The following PDSS1 variants were observed in gnomAD, a reference collection of about 807,000 sequenced individuals.
PDSS1 encodes the protein all trans-polyprenyl-diphosphate synthase PDSS1.
Under a neutral mutation model 57.5 loss-of-function variants are expected in PDSS1, and 43 were observed. The ratio of observed to expected loss-of-function variants is 0.75; its 90% CI spans 0.59 to 0.96. The LOEUF is 0.96. PDSS1 is among the 50% of genes least tolerant of loss of function. The pLI, the probability that PDSS1 is intolerant of heterozygous loss-of-function variation, is 0.00. For synonymous variants in PDSS1, 175 were observed against 191.3 expected, an observed-to-expected ratio of 0.91 and a Z score of 0.70; for missense variants, 438 against 527.8, an observed-to-expected ratio of 0.83 and a Z score of 1.67.
rs773568624 is a variant in PDSS1 at position 26,746,576 on chromosome 10, T to G, written c.*103T>G. On this transcript the variant is annotated 3_prime_UTR_variant, in exon 12 of 12. Transcript: ENST00000376215. ...TCATGTGCAGATAACCAAAAATCATTTTAAAAGATATCAAACTTATTGATG... is the reference window on the plus strand; with the variant it reads ...TCATGTGCAGATAACCAAAAATCATGTTAAAAGATATCAAACTTATTGATG... 49 of 1,263,862 alleles carry G rather than the reference T, an allele frequency of 3.9e-5. No homozygotes were observed. The highest frequency in any genetic ancestry group is 5.3e-5 in the Non-Finnish European group (46 of 873,946). 78.3% of individuals were successfully genotyped at this position (1,263,862 alleles called of 1,614,324 possible). A position where few individuals can be genotyped will look rare whatever the true frequency, so the allele number is the denominator to read the frequency against.
intron 11 of PDSS1, among the ~76,000 whole-genome samples, chr10:26,743,529 A>T (rs1340030811): frequency 2.6e-5 from 4 of 152,244 alleles, no homozygotes; most frequent in Non-Finnish European, 4.4e-5. Context: ...AGAATGGTTT[A>T]AACGTACTAT....
At chr10:26,697,928 C>A (rs1834921058) in intron 1 of PDSS1, 88 bp downstream of exon 1, 13 of 1,160,796 alleles carry the variant, frequency 1.1e-5, no homozygotes, top group South Asian at 3.2e-5. Flanking sequence ...GCGGGGAGCA[C>A]GTGCGTCGCG....
At chr10:26,746,085 T>C (rs771975666) in intron 11 of PDSS1, among the ~76,000 whole-genome samples, 3 of 152,102 alleles carry the variant, frequency 2.0e-5, no homozygotes, top group African/African-American at 4.8e-5. Flanking sequence ...CGAATGACTA[T>C]GTAATATTGA....
At chr10:26,721,589 G>A (rs942495439) in intron 6 of PDSS1, among the ~76,000 whole-genome samples, 3 of 152,052 alleles carry the variant, frequency 2.0e-5, no homozygotes, top group Non-Finnish European at 4.4e-5. Flanking sequence ...ACGTCCTGTT[G>A]ACTAAATTCT....
chr10:26,716,460 G>A (rs1210029915), intron 5 of PDSS1, among the ~76,000 whole-genome samples: 2 of 152,176 alleles, frequency 1.3e-5, no homozygotes, highest in African/African-American at 4.8e-5. Context: ...GGGAGGCCAA[G>A]GCAGGTGGAT....
intron 8 of PDSS1, among the ~76,000 whole-genome samples, chr10:26,730,977 G>A (rs549599569): frequency 8.5e-5 from 13 of 152,208 alleles, no homozygotes; most frequent in Non-Finnish European, 1.6e-4. Context: ...GGGAGGCTGA[G>A]GCGGCCGAAT....
chr10:26,701,739 C>T (rs974495904), intron 1 of PDSS1: 1 of 448,084 alleles, frequency 2.2e-6, no homozygotes, highest in Non-Finnish European at 4.5e-6. Flanking sequence ...GGTTGCAGCC[C>T]CCACACGGAG....
rs544622039 is a variant in PDSS1, at chr10:26,702,042, A to G, written c.130-120A>G. 128 of 423,408 alleles carry G rather than the reference A, an allele frequency of 3.0e-4. 1 individual carries two copies. The highest frequency in any genetic ancestry group is 2.5e-3 in the African/African-American group (124 of 49,410). 26.2% of individuals were successfully genotyped at this position (423,408 alleles called of 1,614,324 possible). A position where few individuals can be genotyped will look rare whatever the true frequency, so the allele number is the denominator to read the frequency against. ...ACTGCCCTGCTGGGTTTGGACTTGC[A>G]TGAGGCCTGTAAGCCCCTTCGTTTT... On this transcript the variant is annotated intron_variant, in intron 1 of 11. Transcript: ENST00000376215.
At chr10:26,735,641 G>T in intron 10 of PDSS1, 62 bp downstream of exon 10, 1 of 917,670 alleles carries the variant, frequency 1.1e-6, no homozygotes, top group South Asian at 1.3e-5. Flanking sequence ...GATGTCCCGC[G>T]GCACAGCTGA....
At chr10:26,728,650 G>C (rs531474670) in intron 8 of PDSS1, among the ~76,000 whole-genome samples, 1 of 151,940 alleles carries the variant, frequency 6.6e-6, no homozygotes, top group South Asian at 2.1e-4. Flanking sequence ...TCTTCTACAA[G>C]AAAGTTGGTA....
At chr10:26,733,254 A>G (rs1167566054) in intron 8 of PDSS1, among the ~76,000 whole-genome samples, 2 of 152,202 alleles carry the variant, frequency 1.3e-5, no homozygotes, top group East Asian at 3.9e-4. Context: ...TTCTGTCCTG[A>G]GCCCAGCACA....
chr10:26,716,505 A>C (rs964884306), intron 5 of PDSS1, among the ~76,000 whole-genome samples: 6 of 152,196 alleles, frequency 3.9e-5, no homozygotes, highest in Non-Finnish European at 8.8e-5. Flanking sequence ...CAGCCTTGCC[A>C]ACATGGCAAA....
chr10:26,707,181 C>T (rs1029767562), intron 4 of PDSS1, among the ~76,000 whole-genome samples: 1 of 152,136 alleles, frequency 6.6e-6, no homozygotes, highest in Non-Finnish European at 1.5e-5. Flanking sequence ...TGCGCATGCT[C>T]ACGTGAGGCA....
intron 5 of PDSS1, chr10:26,714,642 G>A (rs1835505501): frequency 6.6e-6 from 1 of 152,142 alleles, no homozygotes; most frequent in African/African-American, 2.4e-5. Flanking sequence ...CTGGATCTTG[G>A]CACCATCCAT....
chr10:26,722,771 T>A (rs1282039485), intron 6 of PDSS1, among the ~76,000 whole-genome samples: 1 of 152,104 alleles, frequency 6.6e-6, no homozygotes, highest in Non-Finnish European at 1.5e-5. Flanking sequence ...TAGGGTGTAT[T>A]TGGTTATAGC....
chr10:26,720,078 G>T (rs1484054901), intron 5 of PDSS1, 140 bp from the exon 6 acceptor site: 10 of 1,201,894 alleles, frequency 8.3e-6, no homozygotes, highest in African/African-American at 4.5e-5. Flanking sequence ...ATGGCTGTGT[G>T]GTGAAGCCAG....
chr10:26,720,113 G>A (rs1835735723), intron 5 of PDSS1, 105 bp from the exon 6 acceptor site: 1 of 1,528,968 alleles, frequency 6.5e-7, no homozygotes. Flanking sequence ...TTCTCTTAGA[G>A]AAATAACATT....
chr10:26,700,992 A>G (rs747299597), intron 1 of PDSS1, among the ~76,000 whole-genome samples: 1 of 152,160 alleles, frequency 6.6e-6, no homozygotes, highest in Non-Finnish European at 1.5e-5. Context: ...AATGGCTTTG[A>G]CCAAAATGCT....
At chr10:26,743,946 C>A (rs1013996017) in intron 11 of PDSS1, among the ~76,000 whole-genome samples, 3 of 151,988 alleles carry the variant, frequency 2.0e-5, no homozygotes, top group African/African-American at 4.8e-5. Flanking sequence ...CAAAAAGATA[C>A]CACATTCACA....
Sources: allele counts gnomAD v4.1 joint callset (sites outside exome capture counted in the v4.1 genomes callset), GRCh38; gene constraint gnomAD v4.1.1; transcripts MANE v1.5; gene names NCBI Gene and HGNC (gene_info 2026-07-23, HGNC 2026-07-21).